DLGAP1: variants seen among roughly 807,000 people sequenced by gnomAD.
DLGAP1 encodes the protein DLG associated protein 1, also known as disks large-associated protein 1.
In DLGAP1, 11 loss-of-function variants were observed where a neutral mutation model predicts 90.8. That is an observed-to-expected ratio of 0.12 (90% CI 0.08 to 0.20). The LOEUF (loss-of-function observed/expected upper bound fraction) is 0.20. DLGAP1 is among the 10% of genes least tolerant of loss of function. The pLI is 1.00. For missense variants in DLGAP1, 1,050 were observed against 1,333.8 expected (o/e 0.79, Z 3.31); for synonymous variants, 558 against 540.7 (o/e 1.03, Z -0.44).
At chr18:3,664,970 T>C (rs1467747200) in intron 7 of DLGAP1, among the ~76,000 whole-genome samples, 1 of 152,204 alleles carries the variant, frequency 6.6e-6, no homozygotes, top group Non-Finnish European at 1.5e-5. Context: ...TGACTTAATA[T>C]GAGGCCACTG....
At chr18:4,364,816 C>G (rs1033731162) in intron 1 of DLGAP1, among the ~76,000 whole-genome samples, 1 of 152,134 alleles carries the variant, frequency 6.6e-6, no homozygotes, top group Non-Finnish European at 1.5e-5. Flanking sequence ...TCCCTCTTAA[C>G]ACTGCCTTAG....
Position 4,326,801 on chromosome 18 carries a change from G to C in DLGAP1, c.-267+128205C>G, listed in dbSNP as rs527887535. ...TCACTTATAAATGGAGCTAAACAAT[G>C]AGAACACATCGTTACTAGGAGGAGA... On this transcript the variant is annotated intron_variant, in intron 1 of 12. Transcript: ENST00000315677. Among the ~76,000 whole-genome samples the C allele has an allele frequency of 3.0e-4, 45 of 152,208 alleles. No individual in the cohort carries two copies. The South Asian group carries it at 7.0e-3, about 24-fold the overall frequency.
At chr18:4,073,001 T>C (rs918758172) in intron 2 of DLGAP1, among the ~76,000 whole-genome samples, 11 of 152,140 alleles carry the variant, frequency 7.2e-5, no homozygotes, top group African/African-American at 2.4e-4. Flanking sequence ...GGACTCCCCA[T>C]TACAAACAGT....
At chr18:4,071,649 G>A (rs1009124363) in intron 2 of DLGAP1, among the ~76,000 whole-genome samples, 1 of 152,092 alleles carries the variant, frequency 6.6e-6, no homozygotes, top group Non-Finnish European at 1.5e-5. Context: ...CACAATGTAC[G>A]ATAATGACAC....
Position 3,631,288 on chromosome 18 carries a change from C to CT in DLGAP1, c.1592-49041dup, listed in dbSNP as rs200227555. On this transcript the variant is annotated intron_variant, in intron 7 of 12. Coordinates refer to ENST00000315677, the MANE Select transcript of DLGAP1 (RefSeq NM_004746.4). ...TGTGAGCCACCGTGCCTGGCTGACT[C>CT]TTTTTATATGACTTTAGGAGTTAGT... Among the ~76,000 whole-genome samples, 1,210 of 152,082 alleles carry CT rather than the reference C, an allele frequency of 8.0e-3. 15 individuals carry two copies. Among genetic ancestry groups the CT allele is most frequent in the African/African-American group, 0.027 (1,135 of 41,482 alleles).
intron 1 of DLGAP1, among the ~76,000 whole-genome samples, chr18:4,158,059 T>G (rs144432335): frequency 6.6e-6 from 1 of 152,168 alleles, no homozygotes; most frequent in African/African-American, 2.4e-5. Flanking sequence ...CCTTCCTTAC[T>G]CATGAGTAAG....
At chr18:4,092,199 T>C (rs2075782104) in intron 2 of DLGAP1, among the ~76,000 whole-genome samples, 1 of 152,180 alleles carries the variant, frequency 6.6e-6, no homozygotes, top group Non-Finnish European at 1.5e-5. Context: ...ACCCTCAGCT[T>C]TCTGCTTTCT....
rs150519218 is a variant in DLGAP1 at position 3,777,464 on chromosome 18, G to A, written c.1173-34952C>T. The stretch of plus-strand genomic sequence containing the variant: ...AAGTGGAGGTGGTGGAAGAATACGC[G>A]GATGTGGCTGGAGAGAAGGGAGCGA... On this transcript the variant is annotated intron_variant, in intron 5 of 12. Coordinates refer to ENST00000315677, the MANE Select transcript of DLGAP1 (RefSeq NM_004746.4). Among the ~76,000 whole-genome samples, 442 of 152,250 alleles carry A rather than the reference G, an allele frequency of 2.9e-3. 2 individuals are homozygous for A. Among genetic ancestry groups the A allele is most frequent in the African/African-American group, 9.6e-3 (398 of 41,536 alleles).
At chr18:3,567,677 T>C in intron 8 of DLGAP1, 96 bp from the exon 9 acceptor site, 1 of 1,068,440 alleles carries the variant, frequency 9.4e-7, no homozygotes, top group Middle Eastern at 2.0e-4. Context: ...CTAATATGAC[T>C]GGAATGTTTT....
chr18:4,071,422 G>T (rs184798878), intron 2 of DLGAP1, among the ~76,000 whole-genome samples: 8 of 152,144 alleles, frequency 5.3e-5, no homozygotes, highest in Admixed American at 4.6e-4. Flanking sequence ...CTTAAGTTCT[G>T]CTCGGTGATC....
intron 1 of DLGAP1, among the ~76,000 whole-genome samples, chr18:4,211,910 G>A (rs939472269): frequency 6.6e-6 from 1 of 152,068 alleles, no homozygotes; most frequent in Admixed American, 6.6e-5. Flanking sequence ...TTTGCAGCTT[G>A]TTTGCCAAAT....
intron 1 of DLGAP1, among the ~76,000 whole-genome samples, chr18:4,224,964 T>G (rs1220823105): frequency 6.6e-6 from 1 of 152,062 alleles, no homozygotes; most frequent in African/African-American, 2.4e-5. Context: ...CTTATGTCAC[T>G]GCTCCCCCAG....
At chr18:3,672,615 T>G (rs532703319) in intron 7 of DLGAP1, among the ~76,000 whole-genome samples, 1 of 103,762 alleles carries the variant, frequency 9.6e-6, no homozygotes, top group Admixed American at 8.9e-5. Flanking sequence ...AAAAAGTTAA[T>G]GAGAAACAGG....
chr18:3,935,314 C>T (rs1340830454), intron 3 of DLGAP1, among the ~76,000 whole-genome samples: 1 of 152,114 alleles, frequency 6.6e-6, no homozygotes, highest in Non-Finnish European at 1.5e-5. Flanking sequence ...TTAGCTCAAA[C>T]AAAGACTTGA....
intron 5 of DLGAP1, among the ~76,000 whole-genome samples, chr18:3,777,567 A>G (rs990182693): frequency 6.6e-6 from 1 of 152,200 alleles, no homozygotes; most frequent in African/African-American, 2.4e-5. Flanking sequence ...GAATAAAGGA[A>G]GCAAAGCAGT....
At chr18:3,755,587 A>G (rs1317189595) in intron 5 of DLGAP1, among the ~76,000 whole-genome samples, 1 of 152,256 alleles carries the variant, frequency 6.6e-6, no homozygotes, top group Non-Finnish European at 1.5e-5. Context: ...GGGGCGTCTT[A>G]TAACAACAAA....
intron 2 of DLGAP1, among the ~76,000 whole-genome samples, chr18:4,066,372 T>C (rs1296363278): frequency 6.6e-6 from 1 of 151,936 alleles, no homozygotes; most frequent in African/African-American, 2.4e-5. Context: ...AAAATAAAAC[T>C]ATCAACAGAG....
intron 1 of DLGAP1, among the ~76,000 whole-genome samples, chr18:4,389,527 C>T (rs1308722327): frequency 6.6e-6 from 1 of 152,124 alleles, no homozygotes; most frequent in Non-Finnish European, 1.5e-5. Flanking sequence ...TAATTTACTA[C>T]AATGGAAAAT....
At chr18:4,177,399 T>G (rs996522901) in intron 1 of DLGAP1, among the ~76,000 whole-genome samples, 37 of 140,642 alleles carry the variant, frequency 2.6e-4, no homozygotes, top group Non-Finnish European at 3.4e-4. Flanking sequence ...CACACACACT[T>G]CCTTGGCTTG....
Sources: gnomAD v4.1 joint callset for allele counts (sites outside exome capture counted in the v4.1 genomes callset) on GRCh38, gnomAD v4.1.1 for gene constraint, MANE v1.5 for transcripts, NCBI Gene and HGNC (gene_info 2026-07-23, HGNC 2026-07-21) for gene names.